The following NUAK2 variants were observed in gnomAD, a reference collection of about 807,000 sequenced individuals.
The protein encoded by NUAK2 is NUAK family kinase 2.
NUAK2 carries 20 observed loss-of-function variants against 29.8 expected under a neutral mutation model. The observed-to-expected ratio is 0.67, with a 90% confidence interval of 0.47 to 0.98. The LOEUF (loss-of-function observed/expected upper bound fraction) is 0.98, where lower values mean the gene tolerates loss of function less well. NUAK2 is among the 50% of genes least tolerant of loss of function. NUAK2 has a pLI of 0.00. For synonymous variants in NUAK2, 331 were observed against 342.6 expected, an observed-to-expected ratio of 0.97 and a Z score of 0.37; for missense variants, 719 against 834.5, an observed-to-expected ratio of 0.86 and a Z score of 1.71.
Position 205,305,096 on chromosome 1 carries a change from G to C in NUAK2, c.823+103C>G. 2.1e-6 allele frequency: 3 copies of C among 1,445,814 alleles called. No individual in the cohort carries two copies. In the South Asian group the frequency reaches 4.0e-5, roughly 19 times the overall value. The allele number at this position is 1,445,814 out of a possible 1,614,324, so 89.6% of individuals were successfully genotyped here. A position where few individuals can be genotyped will look rare whatever the true frequency, so the allele number is the denominator to read the frequency against. ...CCCTAACCTACCATGGGCCATGATGGACTGTTGCCCGTTTGACTTTAGTGC... is the reference window on the plus strand; with the variant it reads ...CCCTAACCTACCATGGGCCATGATGCACTGTTGCCCGTTTGACTTTAGTGC... On this transcript the variant is annotated intron_variant, in intron 6 of 6. Coordinates refer to ENST00000367157, the MANE Select transcript of NUAK2 (RefSeq NM_030952.3).
chr1:205,308,508 C>T lies in NUAK2; in HGVS notation c.504+73G>A. 6.6e-7 allele frequency: 1 copy of T among 1,522,404 alleles called. No homozygotes were observed. The highest frequency in any genetic ancestry group is 9.0e-7 in the Non-Finnish European group (1 of 1,105,798). 94.3% of individuals were successfully genotyped at this position (1,522,404 alleles called of 1,614,324 possible). ...TGATCCTGGACAAGTCATGGAACCTCTCTGGTCCAAAACAGCCCTAGAGCC... is the reference window on the plus strand; with the variant it reads ...TGATCCTGGACAAGTCATGGAACCTTTCTGGTCCAAAACAGCCCTAGAGCC... On this transcript the variant is annotated intron_variant, in intron 3 of 6. Transcript: ENST00000367157. The surrounding 1 kb of genome is among the most constrained non-coding windows in gnomAD (Gnocchi z 4.1).
chr1:205,318,603 T>A (rs993198481), intron 1 of NUAK2, among the ~76,000 whole-genome samples: 1 of 152,252 alleles, frequency 6.6e-6, no homozygotes, highest in Non-Finnish European at 1.5e-5. Flanking sequence ...ACACTTGGAC[T>A]CACGGCCCTA....
rs1289127803 is a variant in NUAK2, at chr1:205,304,263, T to G, written c.1074A>C (p.Ala358=). Residue 358 remains alanine, a synonymous_variant, in exon 7 of 7, where the codon GCA becomes GCC. Coordinates refer to ENST00000367157, the MANE Select transcript of NUAK2 (RefSeq NM_030952.3). This position sits in a 1 kb window ranked among gnomAD's most constrained non-coding sequence, Gnocchi z 6.5. ...CAGGGGTGGTGCTTCCCCCACCAGG[T>G]GCATGCTGCTTGAAGAAGCTGCACA... ...AKVCSFFKQH[A]PGGGSTTPGL... 6.2e-7 allele frequency: 1 copy of G among 1,614,036 alleles called. No individual in the cohort carries two copies. The highest frequency in any genetic ancestry group is 1.3e-5 in the African/African-American group (1 of 75,044).
At chr1:205,320,022 C>T (rs1662388201) in intron 1 of NUAK2, among the ~76,000 whole-genome samples, 1 of 152,124 alleles carries the variant, frequency 6.6e-6, no homozygotes, top group Non-Finnish European at 1.5e-5. Context: ...CTCTAAAAGG[C>T]TTGTTAAAAT....
At position 205,303,218 on chromosome 1, in the gene NUAK2, CCT is replaced by C. The variant is rs1662111280; in HGVS notation, c.*230_*231del. 2 of 397,348 alleles carry C rather than the reference CCT, an allele frequency of 5.0e-6. No individual in the cohort carries two copies. Among genetic ancestry groups the C allele is most frequent in the Non-Finnish European group, 4.5e-6 (1 of 222,690 alleles). The allele number at this position is 397,348 out of a possible 1,614,324, so 24.6% of individuals were successfully genotyped here. A position where few individuals can be genotyped will look rare whatever the true frequency, so the allele number is the denominator to read the frequency against. On this transcript the variant is annotated 3_prime_UTR_variant, in exon 7 of 7. Coordinates refer to ENST00000367157, the MANE Select transcript of NUAK2 (RefSeq NM_030952.3). ...ACTCTGTCGCGGGCATTCCCGTTCC[CCT>C]CTCTTTAGTATCCTCTTCGTTCAGC... is the stretch of plus-strand genomic sequence containing the variant.
chr1:205,306,422 G>C (rs1230654859), intron 4 of NUAK2, 115 bp from the exon 5 acceptor site: 4 of 1,370,572 alleles, frequency 2.9e-6, no homozygotes, highest in Non-Finnish European at 3.0e-6. Flanking sequence ...TAGAAGGAAA[G>C]GGTCCCCATG....
chr1:205,305,137 G>T lies in NUAK2; in HGVS notation c.823+62C>A. ...ACTTTAGTGCCACTGTGTAGTTTCT[G>T]CCTTAGGAATGAGTGAAGGACACCC... On this transcript the variant is annotated intron_variant, in intron 6 of 6. Transcript: ENST00000367157. The T allele has an allele frequency of 1.9e-6, 3 of 1,579,188 alleles. No individual in the cohort carries two copies. In the Admixed American group the frequency reaches 5.3e-5, roughly 28 times the overall value.
intron 1 of NUAK2, among the ~76,000 whole-genome samples, chr1:205,313,938 G>A (rs190286379): frequency 1.2e-3 from 187 of 152,332 alleles, no homozygotes; most frequent in African/African-American, 4.3e-3. Context: ...ACAGCTCCTC[G>A]TTCAATTTCC....
Position 205,303,546 on chromosome 1 carries a change from C to T in NUAK2, c.1791G>A (p.Gln597=). 6.2e-7 allele frequency: 1 copy of T among 1,613,668 alleles called. No individual in the cohort carries two copies. The highest frequency in any genetic ancestry group is 1.1e-5 in the South Asian group (1 of 90,990). The change falls in exon 7 of 7, where the codon CAG becomes CAA. Residue 597 remains glutamine (Q), a synonymous_variant. Coordinates refer to ENST00000367157, the MANE Select transcript of NUAK2 (RefSeq NM_030952.3). ...AAAAGCAGCTGTCCCCCAAAGGATC[C>T]TGCCGCCAGCGCCTCAGGCAGCTTC... ...GPGSCLRRWR[Q]DPLGDSCFSL... is the part of the protein sequence containing the mutation.
At chr1:205,319,521 C>A (rs931521231) in intron 1 of NUAK2, among the ~76,000 whole-genome samples, 1 of 152,076 alleles carries the variant, frequency 6.6e-6, no homozygotes, top group African/African-American at 2.4e-5. Context: ...CTCTGGGCCA[C>A]CCCAGTCCCC....
At chr1:205,316,483 G>A (rs1662330780) in intron 1 of NUAK2, among the ~76,000 whole-genome samples, 1 of 152,194 alleles carries the variant, frequency 6.6e-6, no homozygotes, top group Non-Finnish European at 1.5e-5. Context: ...GAGGAGCAGG[G>A]AAACCACCTC....
At chr1:205,320,411 T>C (rs11240411) in intron 1 of NUAK2, among the ~76,000 whole-genome samples, 46,179 of 151,900 alleles carry the variant, frequency 0.3, 7,563 homozygotes, top group African/African-American at 0.4. Context: ...ACTACAGGCG[T>C]CCGCCACCAC....
intron 1 of NUAK2, among the ~76,000 whole-genome samples, chr1:205,313,053 ACCAGGG>A (rs1362110330): frequency 6.6e-6 from 1 of 152,170 alleles, no homozygotes; most frequent in Non-Finnish European, 1.5e-5. Context: ...AACGGTGGTT[ACCAGGG>A]ACTGGGGGAG....
chr1:205,314,667 T>C (rs1419221661), intron 1 of NUAK2, among the ~76,000 whole-genome samples: 2 of 152,166 alleles, frequency 1.3e-5, no homozygotes, highest in African/African-American at 4.8e-5. Flanking sequence ...AAACAATGGA[T>C]AAAGTTCTAT....
chr1:205,311,530 A>G (rs1223906578), intron 2 of NUAK2, among the ~76,000 whole-genome samples, 175 bp downstream of exon 2: 3 of 152,196 alleles, frequency 2.0e-5, no homozygotes, highest in African/African-American at 7.2e-5. Context: ...GACTAAATTC[A>G]ATGAGTTGTG....
At position 205,321,721 on chromosome 1, in the gene NUAK2, G is replaced by A. The variant is rs1174238606; in HGVS notation, c.-93C>T. 62 of 1,028,518 alleles carry A rather than the reference G, an allele frequency of 6.0e-5. No individual in the cohort carries two copies. Among genetic ancestry groups the A allele is most frequent in the Non-Finnish European group, 8.6e-5 (60 of 699,838 alleles). 63.7% of individuals were successfully genotyped at this position (1,028,518 alleles called of 1,614,324 possible). On this transcript the variant is annotated 5_prime_UTR_variant, in exon 1 of 7. Transcript: ENST00000367157. ...GGCACAGGTCCCGCACCAGGACGGG[G>A]AGCCACAGCAGTACCAGAGCGCGCA... is the stretch of plus-strand genomic sequence containing the variant.
chr1:205,305,978 T>G (rs1662174187), intron 5 of NUAK2, among the ~76,000 whole-genome samples: 1 of 152,228 alleles, frequency 6.6e-6, no homozygotes, highest in Non-Finnish European at 1.5e-5. Flanking sequence ...CCTCCCAAAG[T>G]GCTGGGATTA....
In NUAK2 at chr1:205,321,381, G is replaced by A. The variant is rs753852369; in HGVS notation, c.231+17C>T. ...AGCCGGAGCCCGCCCCGCGCCGCGAGAGGGAGCCGCACTCACCAGGCGCCC... is the reference window on the plus strand; with the variant it reads ...AGCCGGAGCCCGCCCCGCGCCGCGAAAGGGAGCCGCACTCACCAGGCGCCC... On this transcript the variant is annotated intron_variant, in intron 1 of 6. Transcript: ENST00000367157. 1 of 1,598,216 alleles carries A rather than the reference G, an allele frequency of 6.3e-7. No homozygotes were observed. Among genetic ancestry groups the A allele is most frequent in the Non-Finnish European group, 8.5e-7 (1 of 1,171,618 alleles).
Position 205,303,503 on chromosome 1 carries a change from C to T in NUAK2, c.1834G>A (p.Glu612Lys). 1.2e-6 allele frequency: 2 copies of T among 1,611,810 alleles called. No individual in the cohort carries two copies. Among genetic ancestry groups the T allele is most frequent in the East Asian group, 2.2e-5 (1 of 44,846 alleles). The change falls in exon 7 of 7, where the codon GAG becomes AAG. Residue 612 changes from glutamate to lysine, a missense_variant. This residue lies in a region of NUAK2 where 430 missense variants were observed against 465.7 expected (regional missense o/e 0.92). Transcript: ENST00000367157. Reference protein sequence around the residue: ...DSCFSLTDCQEVTATYRQALR... With the variant: ...DSCFSLTDCQKVTATYRQALR... ...GCCTGTCGGTAGGTCGCTGTCACCT[C>T]CTGGCAGTCTGTCAGGGAAAAGCAG...
Sources: gnomAD v4.1 joint callset for allele counts (sites outside exome capture counted in the v4.1 genomes callset) on GRCh38, gnomAD v4.1.1 for gene constraint, gnomAD v4.1.1 regional missense constraint, Gnocchi (gnomAD v3.1) non-coding constraint, MANE v1.5 for transcripts, NCBI Gene and HGNC (gene_info 2026-07-23, HGNC 2026-07-21) for gene names.